REG3G: variants seen among roughly 807,000 people sequenced by gnomAD.
The protein encoded by REG3G is regenerating family member 3 gamma.
In REG3G, 19 loss-of-function variants were observed where a neutral mutation model predicts 20.9. That is an observed-to-expected ratio of 0.91 (90% confidence interval 0.64 to 1.34). REG3G has a LOEUF of 1.34. Ranked by LOEUF, REG3G falls within the 40% of genes most tolerant of loss-of-function variation. The pLI is 0.00. For synonymous variants in REG3G, 89 were observed against 77.4 expected, an observed-to-expected ratio of 1.15 and a Z score of -0.79; for missense variants, 235 against 205.0, an observed-to-expected ratio of 1.15 and a Z score of -0.89.
At chr2:79,028,159 G>A (rs771390698) in intron 5 of REG3G, 50 bp from the exon 6 acceptor site, 2 of 1,431,684 alleles carry the variant, frequency 1.4e-6, no homozygotes, top group African/African-American at 1.4e-5. Flanking sequence ...CCTCTTCACT[G>A]GGTTCACAAG....
At position 79,026,166 on chromosome 2, in the gene REG3G, C is replaced by T. The variant is rs763677470; in HGVS notation, c.73C>T (p.Gln25Ter). 1.9e-6 allele frequency: 3 copies of T among 1,613,852 alleles called. No individual in the cohort carries two copies. The highest frequency in any genetic ancestry group is 2.5e-6 in the Non-Finnish European group (3 of 1,179,802). The change falls in exon 2 of 6, where the codon CAA becomes TAA. Residue 25 changes from glutamine to a stop codon, truncating the protein, a stop_gained. Transcript: ENST00000272324. LOFTEE classifies it high-confidence loss of function. ...LSCLILLCQV[Q>*]GEETQKELPS... is the part of the protein sequence containing the mutation. ...CTGCCTCATTCTCCTGTGTCAGGTT[C>T]AAGGTGAGATTTCTCTGCCTCTAGC...
Position 79,026,007 on chromosome 2 carries a change from A to T in REG3G, c.-87A>T. Reference sequence around the variant, plus strand: ...GTCCTAGGGGACTACAGAAGGAAAAAGACAAGAGGCAGTAGGATATCTGTG... The same window carrying T: ...GTCCTAGGGGACTACAGAAGGAAAATGACAAGAGGCAGTAGGATATCTGTG... On this transcript the variant is annotated 5_prime_UTR_variant, in exon 2 of 6. The change creates a new upstream start codon in the 5' untranslated region. Transcript: ENST00000272324. 1 of 1,303,978 alleles carries T rather than the reference A, an allele frequency of 7.7e-7. No individual in the cohort carries two copies. Among genetic ancestry groups the T allele is most frequent in the South Asian group, 1.2e-5 (1 of 82,186 alleles). The allele number at this position is 1,303,978 out of a possible 1,614,324, so 80.8% of individuals were successfully genotyped here. A position where few individuals can be genotyped will look rare whatever the true frequency, so the allele number is the denominator to read the frequency against.
chr2:79,027,701 CAA>C, intron 4 of REG3G, 104 bp from the exon 5 acceptor site: 1 of 1,381,624 alleles, frequency 7.2e-7, no homozygotes, highest in East Asian at 2.3e-5. Flanking sequence ...AAGATCAGAC[CAA>C]AATCCCTGAT....
In REG3G at chr2:79,028,415, TC is replaced by T; in HGVS notation, c.*141del. ...ACCTTGTCATGATCCTCCTTCTTTT[TC>T]CTTTTTCTTCACCTTCATTTCAGGC... On this transcript the variant is annotated 3_prime_UTR_variant, in exon 6 of 6. Coordinates refer to ENST00000272324, the MANE Select transcript of REG3G (RefSeq NM_001008387.3). 1.7e-6 allele frequency: 1 copy of T among 590,658 alleles called. No individual in the cohort carries two copies. The highest frequency in any genetic ancestry group is 3.1e-6 in the Non-Finnish European group (1 of 327,428). 36.6% of individuals were successfully genotyped at this position (590,658 alleles called of 1,614,324 possible). A position where few individuals can be genotyped will look rare whatever the true frequency, so the allele number is the denominator to read the frequency against.
intron 2 of REG3G, chr2:79,026,373 C>T (rs1671620396): frequency 3.2e-6 from 2 of 617,424 alleles, no homozygotes; most frequent in South Asian, 3.9e-5. Flanking sequence ...GAGATGGCTT[C>T]CATTTAGTCA....
intron 4 of REG3G, among the ~76,000 whole-genome samples, chr2:79,027,512 T>C (rs1424964192): frequency 6.6e-6 from 1 of 152,226 alleles, no homozygotes; most frequent in African/African-American, 2.4e-5. Flanking sequence ...CCATACAGAA[T>C]AGACATTATC....
chr2:79,026,292 C>T (rs1377196288), intron 2 of REG3G, 123 bp downstream of exon 2: 8 of 918,688 alleles, frequency 8.7e-6, no homozygotes, highest in African/African-American at 1.6e-5. Flanking sequence ...CCTGCAGTTC[C>T]TGCATCATCA....
rs147084535 is a variant in REG3G, at chr2:79,027,454, C to G, written c.333+283C>G. Among the ~76,000 whole-genome samples the G allele has an allele frequency of 4.2e-3, 635 of 152,310 alleles. 45 individuals carry two copies. The East Asian group carries it at 0.093, about 22-fold the overall frequency. ...TATCTGAGCTTCAGGGAGTCTGTATCTATTATTCTGAGGGAATTCTAAATT... is the reference window on the plus strand; with the variant it reads ...TATCTGAGCTTCAGGGAGTCTGTATGTATTATTCTGAGGGAATTCTAAATT... On this transcript the variant is annotated intron_variant, in intron 4 of 5. Transcript: ENST00000272324.
At position 79,027,963 on chromosome 2, in the gene REG3G, G is replaced by T. The variant is rs547912055; in HGVS notation, c.460+30G>T. 6.1e-5 allele frequency: 98 copies of T among 1,612,960 alleles called. 3 individuals carry two copies. The South Asian group carries it at 9.9e-4, about 16-fold the overall frequency. ...GAAACAGAAGAGCTGCCTCTTCCCA[G>T]CACTTTCCACTCCTCATCCCCAATT... On this transcript the variant is annotated intron_variant, in intron 5 of 5. Transcript: ENST00000272324.
At chr2:79,025,941 C>G (rs981981029) in intron 1 of REG3G, 42 bp from the exon 2 acceptor site, 16 of 702,290 alleles carry the variant, frequency 2.3e-5, no homozygotes, top group Middle Eastern at 2.6e-4. Flanking sequence ...ACAGCTCATT[C>G]AGAACTGTAG....
Position 79,028,214 on chromosome 2 carries a change from C to G in REG3G, c.466C>G (p.Leu156Val), listed in dbSNP as rs758489969. ...TTTATATTCTGTCTCCCTAGGATTT[C>G]TGAAGTGGAAAGATTATAACTGTGA... Reference protein sequence around the residue: ...CGSLSRSTGFLKWKDYNCDAK... With the variant: ...CGSLSRSTGFVKWKDYNCDAK... The change falls in exon 6 of 6, where the codon CTG becomes GTG. Residue 156 changes from leucine to valine, a missense_variant. By Grantham distance (32) the Leu-to-Val change is conservative. Transcript: ENST00000272324. The G allele has an allele frequency of 1.9e-6, 3 of 1,611,148 alleles. No individual in the cohort carries two copies. The highest frequency in any genetic ancestry group is 2.5e-6 in the Non-Finnish European group (3 of 1,177,354).
At chr2:79,027,763 G>A (rs753150127) in intron 4 of REG3G, 44 bp from the exon 5 acceptor site, 140 of 1,611,966 alleles carry the variant, frequency 8.7e-5, no homozygotes, top group Non-Finnish European at 1.2e-4. Context: ...AAAGAGACCT[G>A]CAATGGCCAT....
intron 4 of REG3G, 146 bp from the exon 5 acceptor site, chr2:79,027,661 C>T: frequency 2.4e-6 from 2 of 818,592 alleles, no homozygotes; most frequent in Non-Finnish European, 3.9e-6. Flanking sequence ...GAAAAGATTC[C>T]AGTGCAGAGG....
intron 5 of REG3G, 69 bp downstream of exon 5, chr2:79,028,002 G>T: frequency 6.3e-7 from 1 of 1,598,656 alleles, no homozygotes; most frequent in African/African-American, 1.3e-5. Flanking sequence ...TGACCTTCAG[G>T]AAATCCTTTT....
At chr2:79,026,639 T>C in intron 2 of REG3G, 74 bp from the exon 3 acceptor site, 1 of 1,217,102 alleles carries the variant, frequency 8.2e-7, no homozygotes, top group Non-Finnish European at 1.2e-6. Flanking sequence ...AGGGCAGACC[T>C]AGATATTCCC....
Position 79,026,774 on chromosome 2 carries a change from C to T in REG3G, c.138C>T (p.Ala46=). ...PRISCPKGSK[A]YGSPCYALFL... is the part of the protein sequence containing the mutation. ...TCAGCTGTCCCAAAGGCTCCAAGGC[C>T]TATGGCTCCCCCTGCTATGCCTTGT... The change falls in exon 3 of 6, where the codon GCC becomes GCT. Residue 46 remains alanine, a synonymous_variant. Transcript: ENST00000272324. 14 of 1,613,828 alleles carry T rather than the reference C, an allele frequency of 8.7e-6. No homozygotes were observed. Among genetic ancestry groups the T allele is most frequent in the Non-Finnish European group, 1.2e-5 (14 of 1,179,934 alleles).
At chr2:79,027,447 T>C (rs974412588) in intron 4 of REG3G, among the ~76,000 whole-genome samples, 3 of 152,088 alleles carry the variant, frequency 2.0e-5, no homozygotes, top group African/African-American at 7.2e-5. Context: ...CTTCAGGGAG[T>C]CTGTATCTAT....
At position 79,026,147 on chromosome 2, in the gene REG3G, C is replaced by T; in HGVS notation, c.54C>T (p.Leu18=). 6.2e-7 allele frequency: 1 copy of T among 1,613,992 alleles called. No homozygotes were observed. The change falls in exon 2 of 6, where the codon CTC becomes CTT. Residue 18 remains leucine, a synonymous_variant. Transcript: ENST00000272324. The stretch of plus-strand genomic sequence containing the variant: ...TGTCCTGGATGCTGCTTTCCTGCCT[C>T]ATTCTCCTGTGTCAGGTTCAAGGTG... ...PSVSWMLLSC[L]ILLCQVQGEE... is the part of the protein sequence containing the mutation.
In REG3G at chr2:79,027,037, G is replaced by T. The variant is rs1558695996; in HGVS notation, c.199G>T (p.Ala67Ser). 6.2e-7 allele frequency: 1 copy of T among 1,614,060 alleles called. No homozygotes were observed. Among genetic ancestry groups the T allele is most frequent in the East Asian group, 2.2e-5 (1 of 44,862 alleles). The change falls in exon 4 of 6, where the codon GCT (alanine) becomes TCT (serine). Residue 67 changes from alanine (A) to serine (S), a missense_variant. Physicochemically the swap from Ala to Ser is moderately conservative, Grantham distance 99. Transcript: ENST00000272324. ...ATTCTCTTTGTCCCCCTCAAAGCTG[G>T]CTTGCCAGAAGCGGCCCTCTGGAAA... ...SPKSWMDADLACQKRPSGKLV... is the reference protein window; with the variant it reads ...SPKSWMDADLSCQKRPSGKLV...
Sources: allele counts gnomAD v4.1 joint callset (sites outside exome capture counted in the v4.1 genomes callset), GRCh38; gene constraint gnomAD v4.1.1; transcripts MANE v1.5; gene names NCBI Gene and HGNC (gene_info 2026-07-23, HGNC 2026-07-21).